The following RLIG1 variants were observed in gnomAD, a reference collection of about 807,000 sequenced individuals.
The protein encoded by RLIG1 is RNA 5'-phosphate and 3'-OH ligase 1, also known as RNA ligase 1.
the RLIG1 span, chr12:88,048,116 AC>A: frequency 1.6e-6 from 1 of 618,588 alleles, no homozygotes; most frequent in Non-Finnish European, 2.4e-6. Flanking sequence ...AAAAAAAAAA[AC>A]AGTAAGATAA....
At chr12:88,044,129 T>C in the RLIG1 span, 4 of 192,462 alleles carry the variant, frequency 2.1e-5, no homozygotes, top group South Asian at 9.6e-5. Flanking sequence ...AAAAAATTAG[T>C]TGGGCATGGC....
the RLIG1 span, chr12:88,047,107 C>A: frequency 1.1e-6 from 1 of 900,632 alleles, no homozygotes; most frequent in Non-Finnish European, 1.7e-6. Flanking sequence ...ATTTTCTCAT[C>A]CCATGTACCA....
the RLIG1 span, chr12:88,048,518 A>G: frequency 2.7e-6 from 2 of 731,050 alleles, no homozygotes; most frequent in African/African-American, 1.9e-5. Flanking sequence ...TGAAACATCA[A>G]TATGTTTTCT....
the RLIG1 span, among the ~76,000 whole-genome samples, chr12:88,036,404 G>A: frequency 5.3e-5 from 8 of 152,274 alleles, no homozygotes; most frequent in East Asian, 1.5e-3. Flanking sequence ...TTAGTTGGGT[G>A]CTTCCCAACT....
At chr12:88,039,991 G>A in the RLIG1 span, among the ~76,000 whole-genome samples, 9 of 152,106 alleles carry the variant, frequency 5.9e-5, no homozygotes, top group African/African-American at 1.9e-4. Flanking sequence ...CAAACAATTC[G>A]GAACTTCACA....
At chr12:88,035,650 T>G in the RLIG1 span, 1 of 1,604,236 alleles carries the variant, frequency 6.2e-7, no homozygotes, top group Non-Finnish European at 8.5e-7. Context: ...GGGCTCATCA[T>G]GAAGCGCTTG....
chr12:88,041,827 G>A, the RLIG1 span: 1 of 152,102 alleles, frequency 6.6e-6, no homozygotes, highest in Non-Finnish European at 1.5e-5. Flanking sequence ...TTGTATACTT[G>A]AGAAAACTGT....
At chr12:88,046,925 G>A in the RLIG1 span, 3 of 1,612,496 alleles carry the variant, frequency 1.9e-6, no homozygotes, top group Non-Finnish European at 2.5e-6. Flanking sequence ...ATTGCAAAGA[G>A]GGTAAAATTG....
the RLIG1 span, chr12:88,040,211 G>A: frequency 6.2e-7 from 1 of 1,610,348 alleles, no homozygotes; most frequent in Non-Finnish European, 8.5e-7. Context: ...TATATACAGT[G>A]CAATTCCAAC....
At chr12:88,035,635 T>C in the RLIG1 span, 2 of 1,596,322 alleles carry the variant, frequency 1.3e-6, no homozygotes, top group South Asian at 2.3e-5. Context: ...TTCGCACTGC[T>C]TGTTGGGCTC....
the RLIG1 span, chr12:88,048,910 C>G: frequency 4.0e-6 from 1 of 249,688 alleles, no homozygotes; most frequent in African/African-American, 2.2e-5. Flanking sequence ...TGAATTTACC[C>G]TCATATTCTT....
the RLIG1 span, among the ~76,000 whole-genome samples, chr12:88,037,547 C>A: frequency 6.6e-6 from 1 of 152,190 alleles, no homozygotes; most frequent in Non-Finnish European, 1.5e-5. Context: ...TAGATACACA[C>A]ACACTGCTAT....
chr12:88,047,428 T>C, the RLIG1 span, among the ~76,000 whole-genome samples: 3 of 152,156 alleles, frequency 2.0e-5, no homozygotes, highest in African/African-American at 4.8e-5. Context: ...CTGAAATTCA[T>C]AATATTCAAA....
the RLIG1 span, chr12:88,040,342 C>CA: frequency 8.4e-6 from 7 of 829,738 alleles, no homozygotes; most frequent in East Asian, 2.1e-4. Flanking sequence ...TGAAATGAGG[C>CA]ATTTGCTCTT....
chr12:88,038,708 G>C, the RLIG1 span, among the ~76,000 whole-genome samples: 1 of 152,128 alleles, frequency 6.6e-6, no homozygotes, highest in South Asian at 2.1e-4. Flanking sequence ...TGAACTTTAT[G>C]ATGATACATC....
At chr12:88,046,898 C>T in the RLIG1 span, 16 of 1,612,858 alleles carry the variant, frequency 9.9e-6, no homozygotes, top group African/African-American at 1.6e-4. Context: ...ACAATGATCT[C>T]GTGTCCTGGT....
At chr12:88,048,344 T>TAA in the RLIG1 span, 1 of 1,603,720 alleles carries the variant, frequency 6.2e-7, no homozygotes, top group Non-Finnish European at 8.5e-7. Flanking sequence ...CCTTTGATAT[T>TAA]AAGTGTTTGT....
At chr12:88,045,962 C>T in the RLIG1 span, among the ~76,000 whole-genome samples, 1 of 152,036 alleles carries the variant, frequency 6.6e-6, no homozygotes, top group East Asian at 1.9e-4. Context: ...TTTTATTAAT[C>T]CAAAAGGTTG....
At chr12:88,035,781 C>T in the RLIG1 span, 1 of 1,557,388 alleles carries the variant, frequency 6.4e-7, no homozygotes, top group Admixed American at 1.9e-5. Flanking sequence ...CGCGTGGGCT[C>T]CTCCCCGCGG....
Sources: allele counts gnomAD v4.1 joint callset (sites outside exome capture counted in the v4.1 genomes callset), GRCh38; gene constraint gnomAD v4.1.1; transcripts MANE v1.5; gene names NCBI Gene and HGNC (gene_info 2026-07-23, HGNC 2026-07-21).